Variants in CCDC192 observed in about 807,000 individuals in gnomAD.
The protein encoded by CCDC192 is coiled-coil domain-containing protein 192.
chr5:127,766,029 C>T (rs945255547), intron 3 of CCDC192, among the ~76,000 whole-genome samples: 1 of 152,280 alleles, frequency 6.6e-6, no homozygotes, highest in African/African-American at 2.4e-5. Flanking sequence ...CACAATATGC[C>T]CTATGTTAAC....
chr5:127,803,736 A>T (rs998418719), intron 5 of CCDC192, among the ~76,000 whole-genome samples: 1 of 152,136 alleles, frequency 6.6e-6, no homozygotes, highest in Non-Finnish European at 1.5e-5. Context: ...CCAGCCACCC[A>T]CAAGACCTGA....
At chr5:127,836,448 C>T (rs1466850751) in intron 5 of CCDC192, among the ~76,000 whole-genome samples, 3 of 152,206 alleles carry the variant, frequency 2.0e-5, no homozygotes, top group Non-Finnish European at 4.4e-5. Flanking sequence ...CTCCACTAGG[C>T]AGTGCCCCAG....
At chr5:127,803,487 A>G (rs1406188633) in intron 5 of CCDC192, among the ~76,000 whole-genome samples, 1 of 152,212 alleles carries the variant, frequency 6.6e-6, no homozygotes, top group African/African-American at 2.4e-5. Context: ...TTACTTAAAG[A>G]TATCTGTTCT....
intron 5 of CCDC192, among the ~76,000 whole-genome samples, chr5:127,814,941 C>G (rs1373961281): frequency 1.3e-5 from 2 of 152,148 alleles, no homozygotes; most frequent in Non-Finnish European, 1.5e-5. Flanking sequence ...TTAGTTTTCT[C>G]TGATGGGTTT....
intron 5 of CCDC192, among the ~76,000 whole-genome samples, chr5:127,862,519 G>T (rs1751410637): frequency 6.6e-6 from 1 of 152,174 alleles, no homozygotes; most frequent in Non-Finnish European, 1.5e-5. Flanking sequence ...CCAAATTACA[G>T]TCTCATGCCC....
At chr5:127,788,569 A>C (rs2126949896) in intron 3 of CCDC192, among the ~76,000 whole-genome samples, 1 of 152,176 alleles carries the variant, frequency 6.6e-6, no homozygotes, top group African/African-American at 2.4e-5. Context: ...TTCATTTTCT[A>C]TATATTTTAT....
intron 6 of CCDC192, 80 bp downstream of exon 6, chr5:127,875,741 A>G: frequency 2.5e-6 from 1 of 396,734 alleles, no homozygotes; most frequent in Non-Finnish European, 4.4e-6. Flanking sequence ...CGAAGCAAAA[A>G]AAACGAGGCT....
chr5:127,732,185 C>A (rs1256960415), intron 2 of CCDC192, among the ~76,000 whole-genome samples: 1 of 151,754 alleles, frequency 6.6e-6, no homozygotes, highest in African/African-American at 2.4e-5. Flanking sequence ...GGGCAAAAGA[C>A]ATGAACAGAC....
At chr5:127,924,515 GTTGTT>G in intron 6 of CCDC192, among the ~76,000 whole-genome samples, 1 of 152,308 alleles carries the variant, frequency 6.6e-6, no homozygotes, top group Admixed American at 6.5e-5. Context: ...CAACTGGCCT[GTTGTT>G]TTATCTTTTA....
chr5:127,855,000 G>C (rs921148076), intron 5 of CCDC192, among the ~76,000 whole-genome samples: 4 of 152,060 alleles, frequency 2.6e-5, no homozygotes, highest in Non-Finnish European at 5.9e-5. Flanking sequence ...AAAATAATTT[G>C]TTGCTAAAAA....
chr5:127,796,362 T>C (rs1757165164), intron 3 of CCDC192, among the ~76,000 whole-genome samples: 3 of 152,190 alleles, frequency 2.0e-5, no homozygotes, highest in Non-Finnish European at 2.9e-5. Flanking sequence ...TTGCAGTGAA[T>C]ACAGAATTGT....
At chr5:127,866,606 G>GT (rs1326002204) in intron 5 of CCDC192, among the ~76,000 whole-genome samples, 15 of 151,670 alleles carry the variant, frequency 9.9e-5, no homozygotes, top group African/African-American at 3.6e-4. Context: ...TTTCTCAGAA[G>GT]TTTTACTTAT....
At chr5:127,752,189 C>G (rs1754225728) in intron 2 of CCDC192, among the ~76,000 whole-genome samples, 2 of 152,328 alleles carry the variant, frequency 1.3e-5, no homozygotes, top group South Asian at 4.1e-4. Flanking sequence ...AGGAGAGGCA[C>G]TCTGATTTTT....
intron 6 of CCDC192, among the ~76,000 whole-genome samples, chr5:127,928,435 T>C (rs1753924729): frequency 1.3e-5 from 2 of 152,218 alleles, no homozygotes; most frequent in Admixed American, 1.3e-4. Context: ...TCAGATATTT[T>C]TCTCTGACTC....
At chr5:127,833,808 C>T (rs1406446936) in intron 5 of CCDC192, among the ~76,000 whole-genome samples, 1 of 152,122 alleles carries the variant, frequency 6.6e-6, no homozygotes, top group Non-Finnish European at 1.5e-5. Context: ...TTTTCTGTCT[C>T]AGAAAATGTC....
chr5:127,703,083 C>T (rs186612622), upstream of CCDC192, among the ~76,000 whole-genome samples: 1,140 of 152,302 alleles, frequency 7.5e-3, 7 homozygotes, highest in Non-Finnish European at 0.012. Flanking sequence ...TGGGTGTGCA[C>T]CCCTCTCAGA....
chr5:127,709,156 AG>A (rs1751150073), intron 2 of CCDC192, among the ~76,000 whole-genome samples: 6 of 116,622 alleles, frequency 5.1e-5, no homozygotes, highest in Admixed American at 1.0e-4. Context: ...AAGAAGAGAG[AG>A]AGAGGGGGAG....
intron 5 of CCDC192, among the ~76,000 whole-genome samples, chr5:127,871,647 T>C (rs1372239287): frequency 1.3e-5 from 2 of 152,204 alleles, no homozygotes; most frequent in Non-Finnish European, 2.9e-5. Flanking sequence ...TGCCACGGTT[T>C]AAAGTATGTG....
intron 5 of CCDC192, among the ~76,000 whole-genome samples, chr5:127,869,288 C>T (rs1053843152): frequency 3.1e-4 from 47 of 152,058 alleles, no homozygotes; most frequent in African/African-American, 1.1e-3. Flanking sequence ...TACACCACTG[C>T]GTTCCACCCT....
Sources: allele counts gnomAD v4.1 joint callset (sites outside exome capture counted in the v4.1 genomes callset), GRCh38; gene constraint gnomAD v4.1.1; transcripts MANE v1.5; gene names NCBI Gene and HGNC (gene_info 2026-07-23, HGNC 2026-07-21).